The following KCNN2 variants were observed in gnomAD, a reference collection of about 807,000 sequenced individuals.
KCNN2 encodes potassium calcium-activated channel subfamily N member 2.
KCNN2 carries 24 observed loss-of-function variants against 55.5 expected under a neutral mutation model. The observed-to-expected ratio is 0.43, with a 90% CI of 0.31 to 0.61. KCNN2 has a LOEUF of 0.61. Among genes scored for constraint, KCNN2 ranks in the 20% least tolerant of loss-of-function variants. KCNN2 has a pLI of 0.08. For synonymous variants in KCNN2, 431 were observed against 336.1 expected (o/e 1.28, Z -3.09); for missense variants, 754 against 853.6 (o/e 0.88, Z 1.45).
At chr5:114,272,386 TATAC>T (rs1561549073) in intron 2 of KCNN2, among the ~76,000 whole-genome samples, 10 of 118,372 alleles carry the variant, frequency 8.4e-5, no homozygotes, top group South Asian at 5.9e-4. Context: ...TATGTACATA[TATAC>T]ACACATATAT....
chr5:114,191,582 G>A (rs1753450572), intron 1 of KCNN2, among the ~76,000 whole-genome samples: 1 of 152,008 alleles, frequency 6.6e-6, no homozygotes, highest in African/African-American at 2.4e-5. Flanking sequence ...AACAGAGATG[G>A]GGCTATGGAT....
intron 2 of KCNN2, among the ~76,000 whole-genome samples, chr5:114,274,878 T>C (rs941784164): frequency 3.9e-5 from 6 of 152,200 alleles, no homozygotes; most frequent in African/African-American, 1.4e-4. Flanking sequence ...CTATGTTGAA[T>C]AGGAGTGGTG....
intron 1 of KCNN2, among the ~76,000 whole-genome samples, chr5:114,077,865 C>G (rs555021496): frequency 6.6e-6 from 1 of 152,264 alleles, no homozygotes; most frequent in Admixed American, 6.5e-5. Flanking sequence ...TTGCTCTTCT[C>G]CTTCTCACCT....
chr5:114,100,228 C>T (rs1197373818), intron 1 of KCNN2, among the ~76,000 whole-genome samples: 1 of 151,508 alleles, frequency 6.6e-6, no homozygotes. Flanking sequence ...TTAAATGACC[C>T]AAAATATACA....
chr5:114,173,443 TGTGTGTG>T lies in KCNN2; in HGVS notation c.-270-48036_-270-48030del, dbSNP rs1342024802. Among the ~76,000 whole-genome samples the T allele has an allele frequency of 1.1e-3, 37 of 32,688 alleles. 1 individual carries two copies. Among genetic ancestry groups the T allele is most frequent in the Admixed American group, 0.011 (36 of 3,418 alleles). 21.4% of individuals were successfully genotyped at this position (32,688 alleles called of 152,430 possible). A position where few individuals can be genotyped will look rare whatever the true frequency, so the allele number is the denominator to read the frequency against. ...GTTTTTTGTTTTTGTTTTGTTTGTG[TGTGTGTG>T]TGTGTGTGTGTGTGTGTGTGTGTGT... On this transcript the variant is annotated intron_variant, in intron 1 of 10. Coordinates refer to the KCNN2 transcript ENST00000512097.
chr5:114,208,432 A>G (rs1007545055), intron 1 of KCNN2, among the ~76,000 whole-genome samples: 1 of 152,194 alleles, frequency 6.6e-6, no homozygotes, highest in Non-Finnish European at 1.5e-5. Flanking sequence ...GCTAATGCTG[A>G]CATCTTTCAT....
Position 114,430,651 on chromosome 5 carries a change from AT to A in KCNN2, c.1637+25796del, listed in dbSNP as rs905488763. ...TTGAATAGGAATGATGAGAACAGAC[AT>A]CCTTGCCTTGTTCCTGATCTTACCA... On this transcript the variant is annotated intron_variant, in intron 3 of 7. Coordinates refer to ENST00000673685, the MANE Select transcript of KCNN2 (RefSeq NM_021614.4). 2.1e-4 allele frequency among the ~76,000 whole-genome samples: 32 copies of A among 152,132 alleles called. 2 individuals are homozygous for A. The highest frequency in any genetic ancestry group is 7.5e-4 in the African/African-American group (31 of 41,448).
At chr5:114,118,140 A>G (rs1249179716) in intron 1 of KCNN2, among the ~76,000 whole-genome samples, 3 of 152,202 alleles carry the variant, frequency 2.0e-5, no homozygotes, top group Non-Finnish European at 4.4e-5. Context: ...GGTTACCTTT[A>G]CAGCATTTCC....
chr5:114,188,407 T>G (rs1021088619), intron 1 of KCNN2, among the ~76,000 whole-genome samples: 1 of 152,212 alleles, frequency 6.6e-6, no homozygotes, highest in African/African-American at 2.4e-5. Context: ...TATATGTTTC[T>G]GTGTCTCAAA....
chr5:114,064,337 T>C (rs927293009), intron 1 of KCNN2, among the ~76,000 whole-genome samples: 7 of 152,204 alleles, frequency 4.6e-5, no homozygotes, highest in Non-Finnish European at 8.8e-5. Flanking sequence ...GAAAGTGACA[T>C]TCTGAGGCTT....
upstream of KCNN2, among the ~76,000 whole-genome samples, chr5:114,358,529 A>C (rs1757341983): frequency 6.6e-6 from 1 of 152,242 alleles, no homozygotes; most frequent in Non-Finnish European, 1.5e-5. Flanking sequence ...TTTGTGGCTG[A>C]GTATGACCTC....
At chr5:114,138,030 A>G (rs188651706) in intron 1 of KCNN2, among the ~76,000 whole-genome samples, 6 of 152,282 alleles carry the variant, frequency 3.9e-5, no homozygotes, top group Middle Eastern at 3.4e-3. Flanking sequence ...CAGGTGGTCA[A>G]AATTTGCAAT....
intron 2 of KCNN2, among the ~76,000 whole-genome samples, chr5:114,397,454 T>C (rs535547361): frequency 6.6e-6 from 1 of 152,288 alleles, no homozygotes; most frequent in East Asian, 1.9e-4. Context: ...TGGTGCTGTC[T>C]TGGCTCACTG....
At chr5:114,083,240 T>G (rs1750862393) in intron 1 of KCNN2, among the ~76,000 whole-genome samples, 1 of 152,068 alleles carries the variant, frequency 6.6e-6, no homozygotes, top group South Asian at 2.1e-4. Context: ...TTTTTCACCA[T>G]TTTTTATTTT....
At chr5:114,064,637 A>C (rs1344444041) in intron 1 of KCNN2, among the ~76,000 whole-genome samples, 1 of 152,206 alleles carries the variant, frequency 6.6e-6, no homozygotes, top group East Asian at 1.9e-4. Flanking sequence ...TTATTGACTT[A>C]GGTCATTTAG....
chr5:114,359,880 A>C (rs1344230216), upstream of KCNN2, among the ~76,000 whole-genome samples: 3 of 152,160 alleles, frequency 2.0e-5, no homozygotes, highest in Non-Finnish European at 4.4e-5. Context: ...TCATAGGGAA[A>C]CTTTCATTTT....
chr5:114,456,946 A>G (rs1760952555), intron 3 of KCNN2, among the ~76,000 whole-genome samples: 1 of 152,166 alleles, frequency 6.6e-6, no homozygotes, highest in African/African-American at 2.4e-5. Context: ...GATGGAATCT[A>G]CTCCTGGAGA....
At chr5:114,493,320 T>A (rs1295541288) in intron 6 of KCNN2, 83 bp from the exon 7 acceptor site, 1 of 873,934 alleles carries the variant, frequency 1.1e-6, no homozygotes, top group Non-Finnish European at 2.0e-6. Context: ...TTTGCTCTTG[T>A]CAATTTTGTG....
chr5:114,124,095 A>C (rs1416771128), intron 1 of KCNN2, among the ~76,000 whole-genome samples: 1 of 152,190 alleles, frequency 6.6e-6, no homozygotes, highest in Admixed American at 6.6e-5. Context: ...TATAGTTTTC[A>C]TTGAATTCTT....
Sources: allele counts gnomAD v4.1 joint callset (sites outside exome capture counted in the v4.1 genomes callset), GRCh38; gene constraint gnomAD v4.1.1; transcripts MANE v1.5; gene names NCBI Gene and HGNC (gene_info 2026-07-23, HGNC 2026-07-21).